FGF13: variants seen among roughly 807,000 people sequenced by gnomAD.
FGF13 encodes fibroblast growth factor 13.
A neutral mutation model predicts 19.5 loss-of-function variants in FGF13; 2 were observed. The ratio of observed to expected loss-of-function variants is 0.10; its 90% CI spans 0.04 to 0.32. The LOEUF (loss-of-function observed/expected upper bound fraction) is 0.32. FGF13 is among the 10% of genes least tolerant of loss of function. FGF13 has a pLI of 1.00. For missense variants in FGF13, 113 were observed against 192.7 expected (o/e 0.59, Z 2.45); for synonymous variants, 72 against 76.9 (o/e 0.94, Z 0.33).
intron 1 of FGF13, among the ~76,000 whole-genome samples, chrX:138,991,800 G>A (rs749600986): frequency 2.4e-4 from 27 of 111,589 alleles, no homozygotes; most frequent in Non-Finnish European, 3.8e-4. Flanking sequence ...AAACATCATC[G>A]TAACGCAGCC....
chrX:138,977,649 G>A (rs1378657382), intron 1 of FGF13, among the ~76,000 whole-genome samples: 1 of 111,790 alleles, frequency 8.9e-6, no homozygotes. Flanking sequence ...AAATATATTT[G>A]GCTGAGGAGC....
At chrX:139,049,475 C>T (rs2092297801) in intron 1 of FGF13, among the ~76,000 whole-genome samples, 1 of 112,327 alleles carries the variant, frequency 8.9e-6, no homozygotes, top group African/African-American at 3.2e-5. Flanking sequence ...GTCAACCTGA[C>T]TCCATGGAGA....
chrX:138,751,863 T>G (rs182183123), intron 3 of FGF13, among the ~76,000 whole-genome samples: 8 of 111,903 alleles, frequency 7.1e-5, no homozygotes, highest in Non-Finnish European at 7.5e-5. Flanking sequence ...CAGCAATTAT[T>G]ATTAACATTT....
intron 1 of FGF13, among the ~76,000 whole-genome samples, chrX:138,956,788 T>A (rs185502435): frequency 1.4e-3 from 155 of 111,665 alleles, no homozygotes; most frequent in African/African-American, 4.9e-3. Flanking sequence ...GTGAATTCGA[T>A]GATCTGTAGG....
At position 138,952,579 on chromosome X, in the gene FGF13, G is replaced by T. The variant is rs777263892; in HGVS notation, c.-112-87929C>A. On this transcript the variant is annotated intron_variant, in intron 1 of 2. Coordinates refer to the FGF13 transcript ENST00000421460. ...AACACAAGCCAAAATTGACAAATGG[G>T]ATCTAATTAAACTAAAGAGCTTCTG... Among the ~76,000 whole-genome samples the T allele has an allele frequency of 4.9e-3, 548 of 111,151 alleles. 5 individuals are homozygous for T. The highest frequency in any genetic ancestry group is 0.017 in the African/African-American group (525 of 30,630).
rs151275368 is a variant in FGF13, at chrX:139,046,259, G to T, written c.-113+157157C>A. On this transcript the variant is annotated intron_variant, in intron 1 of 2. Transcript: ENST00000421460. ...TCGGAGGTGCCACACACTTTTAGATGACTAGATCTTGTGAGAACTCACTAT... is the reference window on the plus strand; with the variant it reads ...TCGGAGGTGCCACACACTTTTAGATTACTAGATCTTGTGAGAACTCACTAT... Among the ~76,000 whole-genome samples, 711 of 110,929 alleles carry T rather than the reference G, an allele frequency of 6.4e-3. 14 individuals carry two copies. The highest frequency in any genetic ancestry group is 0.022 in the African/African-American group (663 of 30,298).
intron 1 of FGF13, among the ~76,000 whole-genome samples, chrX:139,084,783 C>A (rs1157401010): frequency 8.9e-6 from 1 of 112,353 alleles, no homozygotes; most frequent in African/African-American, 3.2e-5. Flanking sequence ...TTCCTCTGCA[C>A]AGAATAAAAC....
intron 1 of FGF13, among the ~76,000 whole-genome samples, chrX:139,022,147 G>A (rs1239616054): frequency 9.0e-6 from 1 of 111,429 alleles, no homozygotes; most frequent in East Asian, 2.8e-4. Flanking sequence ...AGGAGCAAGA[G>A]GAGGAAGGGG....
intron 1 of FGF13, among the ~76,000 whole-genome samples, chrX:139,135,338 A>G (rs1412368061): frequency 8.9e-6 from 1 of 112,010 alleles, no homozygotes; most frequent in African/African-American, 3.2e-5. Flanking sequence ...TTAGCTCCAT[A>G]AGAAAGTGAT....
At chrX:139,016,687 T>C (rs1051375822) in intron 1 of FGF13, among the ~76,000 whole-genome samples, 7 of 111,607 alleles carry the variant, frequency 6.3e-5, no homozygotes, top group African/African-American at 1.3e-4. Context: ...GAGATGACAG[T>C]CTGTGAGGTG....
intron 1 of FGF13, among the ~76,000 whole-genome samples, chrX:139,101,026 G>A (rs1430940430): frequency 9.0e-6 from 1 of 111,514 alleles, no homozygotes; most frequent in Non-Finnish European, 1.9e-5. Context: ...CATTTGTAAG[G>A]GTGAGATGCT....
intron 1 of FGF13, among the ~76,000 whole-genome samples, chrX:139,052,325 G>C (rs1316565954): frequency 8.9e-6 from 1 of 111,921 alleles, no homozygotes; most frequent in Non-Finnish European, 1.9e-5. Flanking sequence ...AGTTTTGTAA[G>C]TGATGATCCC....
chrX:139,037,506 A>C (rs2092254522), intron 1 of FGF13, among the ~76,000 whole-genome samples: 1 of 111,488 alleles, frequency 9.0e-6, no homozygotes, highest in Non-Finnish European at 1.9e-5. Context: ...GAATTCCAAA[A>C]CAGGTCTCTG....
At chrX:138,906,760 C>T (rs903569144) in intron 1 of FGF13, among the ~76,000 whole-genome samples, 1 of 110,810 alleles carries the variant, frequency 9.0e-6, no homozygotes, top group African/African-American at 3.3e-5. Context: ...ATAGCATGCA[C>T]CCTCAGCCTT....
intron 1 of FGF13, among the ~76,000 whole-genome samples, chrX:138,913,182 C>CTTTTTTTTTTTTTTTTTT (rs35078012): frequency 5.4e-5 from 2 of 37,094 alleles, no homozygotes; most frequent in African/African-American, 2.5e-4. Flanking sequence ...AAAGCATCTA[C>CTTTTTTTTTTTTTTTTTT]TTTTTTTTTT....
chrX:138,682,462 G>T (rs941109094), intron 3 of FGF13, among the ~76,000 whole-genome samples: 1 of 112,609 alleles, frequency 8.9e-6, no homozygotes, highest in Non-Finnish European at 1.9e-5. Flanking sequence ...GTGTGTGTGT[G>T]TGTGTGCGTG....
At chrX:138,934,202 A>G (rs769612086) in intron 1 of FGF13, among the ~76,000 whole-genome samples, 24 of 111,734 alleles carry the variant, frequency 2.1e-4, no homozygotes, top group Non-Finnish European at 4.1e-4. Flanking sequence ...CACTACTCAG[A>G]TATGTGGCAA....
At chrX:138,780,598 T>G (rs1223083863) in intron 3 of FGF13, among the ~76,000 whole-genome samples, 1 of 92,478 alleles carries the variant, frequency 1.1e-5, no homozygotes. Flanking sequence ...AGGGATCAAT[T>G]CAACAAGAAG....
intron 1 of FGF13, among the ~76,000 whole-genome samples, chrX:139,055,663 C>T (rs1194729949): frequency 8.9e-6 from 1 of 112,799 alleles, no homozygotes; most frequent in Non-Finnish European, 1.9e-5. Context: ...CCGCTTCAGG[C>T]TTCATCTTCA....
Sources: gnomAD v4.1 joint callset for allele counts (sites outside exome capture counted in the v4.1 genomes callset) on GRCh38, gnomAD v4.1.1 for gene constraint, MANE v1.5 for transcripts, NCBI Gene and HGNC (gene_info 2026-07-23, HGNC 2026-07-21) for gene names.